Variants in SLC39A11 observed in about 807,000 individuals in gnomAD.
SLC39A11 encodes the protein solute carrier family 39 member 11, also known as zinc transporter ZIP11.
In SLC39A11, 33 loss-of-function variants were observed where a neutral mutation model predicts 36.1. That is an observed-to-expected ratio of 0.91 (90% CI 0.69 to 1.22). SLC39A11 has a LOEUF of 1.22. SLC39A11 is among the 50% of genes most tolerant of loss of function. The pLI is 0.00. For missense variants in SLC39A11, 432 were observed against 430.3 expected (o/e 1.00, Z -0.03); for synonymous variants, 166 against 170.3 (o/e 0.97, Z 0.20).
chr17:72,761,114 T>TTTTTG (rs1290896153), intron 6 of SLC39A11, among the ~76,000 whole-genome samples: 1 of 152,060 alleles, frequency 6.6e-6, no homozygotes, highest in Non-Finnish European at 1.5e-5. Flanking sequence ...GGCCTTCCAA[T>TTTTTG]TTTTGTTTTG....
chr17:72,896,000 TG>T (rs1280220336), intron 5 of SLC39A11, among the ~76,000 whole-genome samples: 1 of 151,984 alleles, frequency 6.6e-6, no homozygotes, highest in Non-Finnish European at 1.5e-5. Context: ...TTTTTTTTGG[TG>T]TGCATATGTA....
At chr17:72,673,338 A>T (rs8074782) in intron 7 of SLC39A11, among the ~76,000 whole-genome samples, 4 of 152,088 alleles carry the variant, frequency 2.6e-5, no homozygotes, top group Non-Finnish European at 4.4e-5. Context: ...CTCCTGACCT[A>T]GTGATCTGCC....
At chr17:72,736,075 TG>T (rs2074415991) in intron 7 of SLC39A11, among the ~76,000 whole-genome samples, 1 of 152,148 alleles carries the variant, frequency 6.6e-6, no homozygotes, top group Non-Finnish European at 1.5e-5. Context: ...GAGCTTGACT[TG>T]GGTATCATCA....
chr17:72,775,197 C>T lies in SLC39A11; in HGVS notation c.602-38478G>A, dbSNP rs975669506. 7.9e-5 allele frequency among the ~76,000 whole-genome samples: 12 copies of T among 152,102 alleles called. No individual in the cohort carries two copies. In the East Asian group the frequency reaches 2.3e-3, roughly 29 times the overall value. On this transcript the variant is annotated intron_variant, in intron 6 of 9. Coordinates refer to ENST00000255559, the MANE Select transcript of SLC39A11 (RefSeq NM_139177.4). ...CGTATCACCTTCTTCTCTATAACAG[C>T]GTCTGTGGTCCCAAGCCTAGAGCAC...
chr17:72,765,261 C>T (rs1392046830), intron 6 of SLC39A11, among the ~76,000 whole-genome samples: 2 of 152,128 alleles, frequency 1.3e-5, no homozygotes, highest in Non-Finnish European at 2.9e-5. Context: ...TGACTCTTGA[C>T]TCAATCGGTT....
At chr17:73,029,428 C>G (rs180810908) in intron 4 of SLC39A11, among the ~76,000 whole-genome samples, 76 of 152,130 alleles carry the variant, frequency 5.0e-4, no homozygotes, top group African/African-American at 1.8e-3. Context: ...TCAGGGCAAG[C>G]AGAATACACT....
At chr17:73,042,315 A>C (rs1442928395) in intron 3 of SLC39A11, among the ~76,000 whole-genome samples, 3 of 152,200 alleles carry the variant, frequency 2.0e-5, no homozygotes, top group Non-Finnish European at 4.4e-5. Context: ...AACTCTTCAC[A>C]CCTCTAAAAA....
Position 72,815,932 on chromosome 17 carries a change from T to C in SLC39A11, c.601+33702A>G, listed in dbSNP as rs546078521. Among the ~76,000 whole-genome samples the C allele has an allele frequency of 9.2e-5, 14 of 152,328 alleles. No individual in the cohort carries two copies. In the South Asian group the frequency reaches 2.9e-3, roughly 32 times the overall value. ...TAAAACTGTGTCTCAAAAAGTCTGA[T>C]GTCCCTAAAAGTGTTTTGTTGTTGT... On this transcript the variant is annotated intron_variant, in intron 6 of 9. Transcript: ENST00000255559.
chr17:72,890,122 G>A (rs1408514151), intron 5 of SLC39A11, among the ~76,000 whole-genome samples: 1 of 151,894 alleles, frequency 6.6e-6, no homozygotes, highest in African/African-American at 2.4e-5. Flanking sequence ...AAAATTAGCT[G>A]GGCATGGTGG....
rs1227505839 is a variant in SLC39A11, at chr17:72,646,633, C to T, written c.*951G>A. On this transcript the variant is annotated 3_prime_UTR_variant, in exon 10 of 10. Transcript: ENST00000255559. ...TACCAAATGGTCAACAGGGAAGGACCCACAGCAGATTCCAAAACTCTTTCA... is the reference window on the plus strand; with the variant it reads ...TACCAAATGGTCAACAGGGAAGGACTCACAGCAGATTCCAAAACTCTTTCA... The T allele has an allele frequency of 2.0e-5, 3 of 152,586 alleles. No individual in the cohort carries two copies. Among genetic ancestry groups the T allele is most frequent in the Admixed American group, 2.0e-4 (3 of 15,266 alleles). The allele number at this position is 152,586 out of a possible 1,614,324, so 9.5% of individuals were successfully genotyped here. A position where few individuals can be genotyped will look rare whatever the true frequency, so the allele number is the denominator to read the frequency against.
intron 6 of SLC39A11, among the ~76,000 whole-genome samples, chr17:72,753,889 CAAAA>C (rs35076559): frequency 7.7e-5 from 4 of 51,932 alleles, no homozygotes; most frequent in Non-Finnish European, 1.5e-4. Flanking sequence ...AGTCATTATA[CAAAA>C]AAAAAAAAAA....
At chr17:72,706,586 A>G (rs923061093) in intron 7 of SLC39A11, among the ~76,000 whole-genome samples, 1 of 152,268 alleles carries the variant, frequency 6.6e-6, no homozygotes, top group African/African-American at 2.4e-5. Context: ...AACAGACCCA[A>G]GGAGACAAGT....
intron 6 of SLC39A11, among the ~76,000 whole-genome samples, chr17:72,778,351 C>T (rs541414819): frequency 1.5e-4 from 23 of 152,356 alleles, no homozygotes; most frequent in African/African-American, 5.0e-4. Context: ...CACACTGCCA[C>T]GCAGGACTGC....
Position 72,743,609 on chromosome 17 carries a change from C to T in SLC39A11, c.602-6890G>A, listed in dbSNP as rs190785558. Among the ~76,000 whole-genome samples the T allele has an allele frequency of 1.1e-4, 16 of 152,158 alleles. No homozygotes were observed. In the East Asian group the frequency reaches 1.2e-3, roughly 11 times the overall value. ...TGGGGGAAGACAATGTATCTGTTAC[C>T]GTGTCTGAAAACAGAGGTGATCCCC... On this transcript the variant is annotated intron_variant, in intron 6 of 9. Transcript: ENST00000255559.
intron 7 of SLC39A11, among the ~76,000 whole-genome samples, chr17:72,662,887 A>G (rs771770331): frequency 2.0e-5 from 3 of 152,230 alleles, no homozygotes; most frequent in Non-Finnish European, 4.4e-5. Flanking sequence ...TGGCAGTGCT[A>G]TCAATAATAG....
Position 72,949,144 on chromosome 17 carries a change from C to CTTTTTTTTTTTTTTTTT in SLC39A11, c.307-1286_307-1270dup, listed in dbSNP as rs56036208. 5.9e-3 allele frequency among the ~76,000 whole-genome samples: 215 copies of CTTTTTTTTTTTTTTTTT among 36,508 alleles called. 62 individuals carry two copies. Among genetic ancestry groups the CTTTTTTTTTTTTTTTTT allele is most frequent in the East Asian group, 0.01 (9 of 866 alleles). 24.0% of individuals were successfully genotyped at this position (36,508 alleles called of 152,430 possible). A position where few individuals can be genotyped will look rare whatever the true frequency, so the allele number is the denominator to read the frequency against. ...AAATAAAATACCATACACTGGGCAGCTTTTTTTTTTTTTTTTTTTTTTTTT... is the reference window on the plus strand; with the variant it reads ...AAATAAAATACCATACACTGGGCAGCTTTTTTTTTTTTTTTTTTTTTTTTTTTTTTTTTTTTTTTTTT... On this transcript the variant is annotated intron_variant, in intron 4 of 9. Transcript: ENST00000255559.
intron 4 of SLC39A11, among the ~76,000 whole-genome samples, chr17:72,954,243 A>C (rs1467860470): frequency 6.6e-6 from 1 of 152,190 alleles, no homozygotes; most frequent in Non-Finnish European, 1.5e-5. Flanking sequence ...ACAGGGTTTC[A>C]CCATGTTGGC....
chr17:72,964,494 A>G (rs1400229086), intron 4 of SLC39A11, among the ~76,000 whole-genome samples: 3 of 152,236 alleles, frequency 2.0e-5, no homozygotes, highest in Non-Finnish European at 4.4e-5. Flanking sequence ...CAGCAATATC[A>G]ATAGGATTAT....
intron 5 of SLC39A11, among the ~76,000 whole-genome samples, chr17:72,858,167 G>C (rs1234329175): frequency 6.6e-6 from 1 of 152,162 alleles, no homozygotes; most frequent in Non-Finnish European, 1.5e-5. Context: ...GTGTAAGGAA[G>C]GGATCCAGTT....
Sources: gnomAD v4.1 joint callset for allele counts (sites outside exome capture counted in the v4.1 genomes callset) on GRCh38, gnomAD v4.1.1 for gene constraint, MANE v1.5 for transcripts, NCBI Gene and HGNC (gene_info 2026-07-23, HGNC 2026-07-21) for gene names.